The following PAFAH1B1 variants were observed in gnomAD, a reference collection of about 807,000 sequenced individuals.
PAFAH1B1 encodes platelet activating factor acetylhydrolase 1b regulatory subunit 1, also known as platelet-activating factor acetylhydrolase IB subunit beta.
PAFAH1B1 carries 2 observed loss-of-function variants against 57.5 expected under a neutral mutation model. The observed-to-expected ratio is 0.03, with a 90% CI of 0.01 to 0.11. The LOEUF (loss-of-function observed/expected upper bound fraction) is 0.11. Ranked by LOEUF, PAFAH1B1 falls within the 10% of genes least tolerant of loss-of-function variation. PAFAH1B1 has a pLI of 1.00. For synonymous variants in PAFAH1B1, 152 were observed against 169.6 expected, an observed-to-expected ratio of 0.90 and a Z score of 0.81; for missense variants, 257 against 512.0, an observed-to-expected ratio of 0.50 and a Z score of 4.81.
At chr17:2,635,184 A>G (rs7211338) in intron 1 of PAFAH1B1, among the ~76,000 whole-genome samples, 1 of 151,126 alleles carries the variant, frequency 6.6e-6, no homozygotes, top group Non-Finnish European at 1.5e-5. Flanking sequence ...AGACCAAGTC[A>G]TTTTCCCCAT....
At chr17:2,602,091 C>A (rs928236603) in intron 1 of PAFAH1B1, among the ~76,000 whole-genome samples, 7 of 150,590 alleles carry the variant, frequency 4.6e-5, no homozygotes, top group Admixed American at 1.3e-4. Context: ...TACAGTATTA[C>A]CATGATGCTA....
At chr17:2,657,053 A>C (rs1028923681) in intron 2 of PAFAH1B1, among the ~76,000 whole-genome samples, 1 of 151,962 alleles carries the variant, frequency 6.6e-6, no homozygotes, top group Admixed American at 6.6e-5. Context: ...TCACTAGAGC[A>C]GTTTTAAGTA....
At chr17:2,602,251 G>GA (rs67749703) in intron 1 of PAFAH1B1, among the ~76,000 whole-genome samples, 27,598 of 144,564 alleles carry the variant, frequency 0.19, 3,159 homozygotes, top group Non-Finnish European at 0.27. Flanking sequence ...TCCACCTACT[G>GA]AAAAAAAAAA....
chr17:2,652,547 G>A (rs1440171745), intron 2 of PAFAH1B1, among the ~76,000 whole-genome samples: 1 of 151,844 alleles, frequency 6.6e-6, no homozygotes, highest in African/African-American at 2.4e-5. Context: ...GAGGTCCTGA[G>A]GTTTCTCCTG....
chr17:2,654,891 C>T (rs1188592917), intron 2 of PAFAH1B1, among the ~76,000 whole-genome samples: 1 of 151,930 alleles, frequency 6.6e-6, no homozygotes, highest in Non-Finnish European at 1.5e-5. Context: ...GTCTGCCTGC[C>T]TCAGCCTCTC....
chr17:2,595,046 G>A (rs2068070077), intron 1 of PAFAH1B1, among the ~76,000 whole-genome samples: 1 of 152,092 alleles, frequency 6.6e-6, no homozygotes, highest in Non-Finnish European at 1.5e-5. Context: ...TTTTCTTTTG[G>A]GGTTTGGGCC....
intron 1 of PAFAH1B1, among the ~76,000 whole-genome samples, chr17:2,606,111 A>G (rs1280964253): frequency 6.6e-6 from 1 of 152,200 alleles, no homozygotes; most frequent in African/African-American, 2.4e-5. Flanking sequence ...TAGGCGGTAT[A>G]TTAGTCCCTT....
chr17:2,680,655 T>A (rs2069368815), intron 10 of PAFAH1B1, among the ~76,000 whole-genome samples: 1 of 152,208 alleles, frequency 6.6e-6, no homozygotes, highest in Non-Finnish European at 1.5e-5. Flanking sequence ...TTCCTCAACC[T>A]TTCCCACTGG....
At chr17:2,651,022 T>C (rs2068842079) in intron 2 of PAFAH1B1, among the ~76,000 whole-genome samples, 1 of 152,198 alleles carries the variant, frequency 6.6e-6, no homozygotes, top group Non-Finnish European at 1.5e-5. Context: ...AGTATTCACT[T>C]TTACTTTCTT....
At chr17:2,652,626 A>T (rs1312363123) in intron 2 of PAFAH1B1, among the ~76,000 whole-genome samples, 4 of 152,222 alleles carry the variant, frequency 2.6e-5, no homozygotes. Context: ...CCTGTGTGAA[A>T]TACACTGAAG....
In PAFAH1B1 at chr17:2,676,622, C is replaced by G; in HGVS notation, c.1002+16C>G. ...TATGACCCTCGTAAGTTTGCATAAT[C>G]TTACCATTTCTTTTGCATCTTCACT... On this transcript the variant is annotated intron_variant, in intron 9 of 10. Transcript: ENST00000397195. The G allele has an allele frequency of 7.0e-7, 1 of 1,430,734 alleles. No individual in the cohort carries two copies. The highest frequency in any genetic ancestry group is 1.1e-5 in the South Asian group (1 of 87,344). 88.6% of individuals were successfully genotyped at this position (1,430,734 alleles called of 1,614,324 possible). A position where few individuals can be genotyped will look rare whatever the true frequency, so the allele number is the denominator to read the frequency against.
At chr17:2,604,939 A>G (rs911821799) in intron 1 of PAFAH1B1, among the ~76,000 whole-genome samples, 2 of 152,190 alleles carry the variant, frequency 1.3e-5, no homozygotes, top group African/African-American at 2.4e-5. Flanking sequence ...GGATTGTAGA[A>G]TTTGAGGTTG....
chr17:2,641,651 G>A (rs962972283), intron 2 of PAFAH1B1: 6 of 151,976 alleles, frequency 3.9e-5, no homozygotes, highest in Non-Finnish European at 7.4e-5. Context: ...AAGATGTTCC[G>A]GGTTTACTGT....
At chr17:2,626,564 C>G (rs868370821) in intron 1 of PAFAH1B1, among the ~76,000 whole-genome samples, 11 of 60,718 alleles carry the variant, frequency 1.8e-4, no homozygotes, top group East Asian at 8.5e-4. Context: ...CCCCCCCCCC[C>G]CCCCCCCGAG....
At chr17:2,641,836 T>C (rs1006133900) in intron 2 of PAFAH1B1, 3 of 152,214 alleles carry the variant, frequency 2.0e-5, no homozygotes, top group East Asian at 1.9e-4. Flanking sequence ...AATACATGCA[T>C]GTATAAATAC....
At chr17:2,661,506 G>A (rs1201794815) in intron 2 of PAFAH1B1, among the ~76,000 whole-genome samples, 1 of 152,140 alleles carries the variant, frequency 6.6e-6, no homozygotes, top group South Asian at 2.1e-4. Flanking sequence ...TCTCTGTTCT[G>A]TTCCCTTGGT....
At chr17:2,634,595 C>T (rs1001206656) in intron 1 of PAFAH1B1, among the ~76,000 whole-genome samples, 1 of 152,142 alleles carries the variant, frequency 6.6e-6, no homozygotes, top group Non-Finnish European at 1.5e-5. Flanking sequence ...ATGTAGACCT[C>T]TGTCATCTGT....
At chr17:2,605,429 GA>G (rs1173476841) in intron 1 of PAFAH1B1, among the ~76,000 whole-genome samples, 14 of 152,148 alleles carry the variant, frequency 9.2e-5, no homozygotes, top group Non-Finnish European at 5.9e-5. Flanking sequence ...TGTCTTTAAT[GA>G]AAATGCAAAG....
At chr17:2,626,986 A>G (rs2068502279) in intron 1 of PAFAH1B1, among the ~76,000 whole-genome samples, 1 of 152,134 alleles carries the variant, frequency 6.6e-6, no homozygotes, top group Non-Finnish European at 1.5e-5. Context: ...TAGATTCTGG[A>G]TATCAGTCCT....
Sources: allele counts gnomAD v4.1 joint callset (sites outside exome capture counted in the v4.1 genomes callset), GRCh38; gene constraint gnomAD v4.1.1; transcripts MANE v1.5; gene names NCBI Gene and HGNC (gene_info 2026-07-23, HGNC 2026-07-21).